The following PLXNB2 variants were observed in gnomAD, a reference collection of about 807,000 sequenced individuals.
PLXNB2 encodes the protein plexin-B2.
In PLXNB2, 85 loss-of-function variants were observed where a neutral mutation model predicts 202.6. The observed-to-expected ratio is 0.42, with a 90% CI of 0.35 to 0.50. The LOEUF is 0.50. Among genes scored for constraint, PLXNB2 ranks in the 20% least tolerant of loss-of-function variants. The probability of loss-of-function intolerance (pLI) is 0.02; values close to 1 mark genes in which losing one functional copy is unlikely to be tolerated. For missense variants in PLXNB2, 2,063 were observed against 2,586.2 expected, an observed-to-expected ratio of 0.80 and a Z score of 4.39; for synonymous variants, 1,239 against 1,137.6, an observed-to-expected ratio of 1.09 and a Z score of -1.79.
chr22:50,296,254 A>AGT (rs1320083833), intron 1 of PLXNB2, among the ~76,000 whole-genome samples: 9 of 144,738 alleles, frequency 6.2e-5, no homozygotes, highest in African/African-American at 2.6e-4. Flanking sequence ...AGGAACTTGA[A>AGT]CTAGACCGTG....
chr22:50,279,522 G>A (rs2065842841), intron 27 of PLXNB2, 108 bp downstream of exon 27: 1 of 1,066,530 alleles, frequency 9.4e-7, no homozygotes, highest in Non-Finnish European at 1.4e-6. Context: ...AATCCACAGA[G>A]GAGGTGGACG....
chr22:50,289,009 T>C lies in PLXNB2; in HGVS notation c.1202A>G (p.Asn401Ser), dbSNP rs28591681. The change falls in exon 4 of 37, where the codon AAC becomes AGC. Residue 401 changes from asparagine to serine, a missense_variant. By Grantham distance (46) the Asn-to-Ser change is conservative. Around this residue, in one of 2 missense-constraint regions of PLXNB2, gnomAD observed 1,303 missense variants for 1,476.8 expected, o/e 0.88. Transcript: ENST00000359337. This position sits in a 1 kb window ranked among gnomAD's most constrained non-coding sequence, Gnocchi z 8.0. Reference protein sequence around the residue: ...NLTAVTVAAENNHTVAFLGTS... With the variant: ...NLTAVTVAAESNHTVAFLGTS... The stretch of plus-strand genomic sequence containing the variant: ...GCCCAGAAAAGCAACAGTGTGGTTG[T>C]TCTCGGCGGCGACCGTCACGGCCGT... 2 of 1,610,398 alleles carry C rather than the reference T, an allele frequency of 1.2e-6. No homozygotes were observed. The highest frequency in any genetic ancestry group is 2.2e-5 in the East Asian group (1 of 44,772).
At chr22:50,299,483 G>C (rs2067526130) in intron 1 of PLXNB2, among the ~76,000 whole-genome samples, 1 of 152,252 alleles carries the variant, frequency 6.6e-6, no homozygotes, top group Admixed American at 6.5e-5. Flanking sequence ...CCGGGCCAAA[G>C]CTAGCGACAC....
chr22:50,285,099 T>C (rs991765728), intron 11 of PLXNB2, among the ~76,000 whole-genome samples: 1 of 152,104 alleles, frequency 6.6e-6, no homozygotes, highest in Non-Finnish European at 1.5e-5. Flanking sequence ...CTACCTCATG[T>C]GGGGGCCCCG....
At position 50,284,679 on chromosome 22, in the gene PLXNB2, C is replaced by T. The variant is rs373190624; in HGVS notation, c.2089-14G>A. 6.2e-5 allele frequency: 100 copies of T among 1,604,740 alleles called. No individual in the cohort carries two copies. In the East Asian group the frequency reaches 1.4e-3, roughly 23 times the overall value. On this transcript the variant is annotated splice_polypyrimidine_tract_variant and intron_variant, in intron 11 of 36. Transcript: ENST00000359337. This position sits in a 1 kb window ranked among gnomAD's most constrained non-coding sequence, Gnocchi z 8.0. ...CAGGGAGGAACCCTGCAGACCATGC[C>T]GTCAGGACCCTGGACAGGCGGCTGT...
At chr22:50,307,446 G>A (rs1485890826) in intron 1 of PLXNB2, 107 bp downstream of exon 1, 1 of 588,942 alleles carries the variant, frequency 1.7e-6, no homozygotes, top group Admixed American at 6.4e-5. Context: ...GCCGCCGCAG[G>A]TCCCCGGGCC....
Position 50,276,859 on chromosome 22 carries a change from G to A in PLXNB2, c.5244C>T (p.Tyr1748=), listed in dbSNP as rs1283402985. ...AGACTTACTCCTCCACCATCTTCTT[G>A]TAGGTGGAGATCTCCTTGGCGTACA... ...KLLYAKEIST[Y]KKMVEDYYKG... Residue 1748 remains tyrosine (Y), a synonymous_variant, in exon 34 of 37, where the codon TAC becomes TAT. Transcript: ENST00000359337. 6.2e-7 allele frequency: 1 copy of A among 1,607,324 alleles called. No individual in the cohort carries two copies. Among genetic ancestry groups the A allele is most frequent in the Non-Finnish European group, 8.5e-7 (1 of 1,176,568 alleles).
chr22:50,284,073 C>CCCA lies in PLXNB2; in HGVS notation c.2263+56_2263+58dup. ...CCCACTGCGCCCACCTGTCCCCCCACCCACCGCCTTGTGCCCACCCGTCCC... is the reference window on the plus strand; with the variant it reads ...CCCACTGCGCCCACCTGTCCCCCCACCCACCACCGCCTTGTGCCCACCCGTCCC... On this transcript the variant is annotated intron_variant, in intron 13 of 36. Transcript: ENST00000359337. This position sits in a 1 kb window ranked among gnomAD's most constrained non-coding sequence, Gnocchi z 8.0. 5 of 1,535,460 alleles carry CCCA rather than the reference C, an allele frequency of 3.3e-6. No individual in the cohort carries two copies. The highest frequency in any genetic ancestry group is 4.4e-6 in the Non-Finnish European group (5 of 1,141,706).
chr22:50,276,621 C>T lies in PLXNB2; in HGVS notation c.5337+8G>A. The T allele has an allele frequency of 8.7e-6, 14 of 1,610,324 alleles. No individual in the cohort carries two copies. Among genetic ancestry groups the T allele is most frequent in the Non-Finnish European group, 1.2e-5 (14 of 1,176,720 alleles). On this transcript the variant is annotated splice_region_variant and intron_variant, in intron 35 of 36. Transcript: ENST00000359337. ...GGGCTGTGGGTGCGTCCCTGGTGGT[C>T]TCCTTACCCGGGAAATCTCTGCCAG... is the stretch of plus-strand genomic sequence containing the variant.
chr22:50,296,414 A>G (rs907771973), intron 1 of PLXNB2, among the ~76,000 whole-genome samples: 1 of 145,482 alleles, frequency 6.9e-6, no homozygotes, highest in African/African-American at 2.8e-5. Context: ...GCAAAACACA[A>G]GTTTAAGATT....
chr22:50,287,881 C>T, intron 6 of PLXNB2, 56 bp downstream of exon 6: 7 of 1,586,942 alleles, frequency 4.4e-6, no homozygotes, highest in South Asian at 2.3e-5. Context: ...ACCCAGGCCA[C>T]GACCTTCCGG....
In PLXNB2 at chr22:50,283,900, T is replaced by C. The variant is rs770513867; in HGVS notation, c.2354A>G (p.Gln785Arg). 1 of 1,589,340 alleles carries C rather than the reference T, an allele frequency of 6.3e-7. No individual in the cohort carries two copies. Among genetic ancestry groups the C allele is most frequent in the Non-Finnish European group, 8.6e-7 (1 of 1,168,716 alleles). Residue 785 changes from glutamine (Q) to arginine (R), a missense_variant, in exon 14 of 37, where the codon CAG (glutamine) becomes CGG (arginine). By Grantham distance (43) the Gln-to-Arg change is conservative. Coordinates refer to ENST00000359337, the MANE Select transcript of PLXNB2 (RefSeq NM_012401.4). The stretch of plus-strand genomic sequence containing the variant: ...CAGGGCCTCATACACGCACCTGCTC[T>C]GGCCCCCGCACCACGCACACCTGTA... ...PDYRCAWCGG[Q>R]SRCVYEALCN...
rs751289776 is a variant in PLXNB2, at chr22:50,283,603, G to T, written c.2569C>A (p.Arg857=). The T allele has an allele frequency of 6.5e-7, 1 of 1,533,354 alleles. No individual in the cohort carries two copies. Among genetic ancestry groups the T allele is most frequent in the Middle Eastern group, 1.8e-4 (1 of 5,622 alleles). 95.0% of individuals were successfully genotyped at this position (1,533,354 alleles called of 1,614,324 possible). A position where few individuals can be genotyped will look rare whatever the true frequency, so the allele number is the denominator to read the frequency against. ...FQPERYSVST[R]IVCVIEAAET... ...CCCAGACCAGGGCCGTCCACTCACC[G>T]GGTGGACACGGAGTAACGTTCCGGC... The change falls in exon 15 of 37, where the codon CGG becomes AGG. Residue 857 remains arginine (R), a splice_region_variant and synonymous_variant. Coordinates refer to ENST00000359337, the MANE Select transcript of PLXNB2 (RefSeq NM_012401.4).
chr22:50,300,895 C>T (rs2067644520), intron 1 of PLXNB2, among the ~76,000 whole-genome samples: 1 of 152,198 alleles, frequency 6.6e-6, no homozygotes, highest in Non-Finnish European at 1.5e-5. Flanking sequence ...TCCTGACACA[C>T]CCAGGCCACC....
At position 50,281,008 on chromosome 22, in the gene PLXNB2, C is replaced by A. The variant is rs762212604; in HGVS notation, c.3764-35G>T. 2.5e-6 allele frequency: 4 copies of A among 1,605,124 alleles called. No individual in the cohort carries two copies. The East Asian group carries it at 6.7e-5, about 27-fold the overall frequency. On this transcript the variant is annotated intron_variant, in intron 23 of 36. Coordinates refer to ENST00000359337, the MANE Select transcript of PLXNB2 (RefSeq NM_012401.4). ...GGCTGGCGTGAGACGTCCCTGGCCA[C>A]GTGGGGCCCTGACCCCCACGCTACA... is the stretch of plus-strand genomic sequence containing the variant.
rs2066670830 is a variant in PLXNB2, at chr22:50,288,963, G to A, written c.1248C>T (p.Leu416=). 7 of 1,607,990 alleles carry A rather than the reference G, an allele frequency of 4.4e-6. No homozygotes were observed. The highest frequency in any genetic ancestry group is 2.7e-5 in the African/African-American group (2 of 74,816). ...AFLGTSDGRI[L]KVYLTPDGTS... is the part of the protein sequence containing the mutation. Reference sequence around the variant, plus strand: ...CCCGCCCCAGCCTGGGCCAAACCTTGAGGATCCGGCCATCAGAGGTGCCCA... The same window carrying A: ...CCCGCCCCAGCCTGGGCCAAACCTTAAGGATCCGGCCATCAGAGGTGCCCA... The change falls in exon 4 of 37, where the codon CTC becomes CTT. Residue 416 remains leucine, a synonymous_variant. Coordinates refer to ENST00000359337, the MANE Select transcript of PLXNB2 (RefSeq NM_012401.4). This position sits in a 1 kb window ranked among gnomAD's most constrained non-coding sequence, Gnocchi z 5.0.
At position 50,307,517 on chromosome 22, in the gene PLXNB2, G is replaced by A. The variant is rs542865028; in HGVS notation, c.-74+36C>T. ...GCGAAGCCCCCCCCACGCCCAGCGA[G>A]ACGTCCCCCGCAGCCCAGTCCCCCG... On this transcript the variant is annotated intron_variant, in intron 1 of 36. Coordinates refer to ENST00000359337, the MANE Select transcript of PLXNB2 (RefSeq NM_012401.4). 2.1e-5 allele frequency: 20 copies of A among 967,674 alleles called. No homozygotes were observed. In the South Asian group the frequency reaches 9.1e-4, roughly 44 times the overall value. 59.9% of individuals were successfully genotyped at this position (967,674 alleles called of 1,614,324 possible). A position where few individuals can be genotyped will look rare whatever the true frequency, so the allele number is the denominator to read the frequency against.
intron 17 of PLXNB2, 31 bp from the exon 18 acceptor site, chr22:50,282,912 AC>A (rs771015714): frequency 3.6e-5 from 56 of 1,574,594 alleles, no homozygotes; most frequent in Non-Finnish European, 4.7e-5. Context: ...GTCTGCATCA[AC>A]CCCTCCCCCG....
At chr22:50,294,095 C>T (rs1039175618) in intron 2 of PLXNB2, among the ~76,000 whole-genome samples, 2 of 152,206 alleles carry the variant, frequency 1.3e-5, no homozygotes, top group African/African-American at 4.8e-5. Flanking sequence ...GCGCAGGAGG[C>T]GCCAGGCACA....
Sources: gnomAD v4.1 joint callset for allele counts (sites outside exome capture counted in the v4.1 genomes callset) on GRCh38, gnomAD v4.1.1 for gene constraint, gnomAD v4.1.1 regional missense constraint, Gnocchi (gnomAD v3.1) non-coding constraint, MANE v1.5 for transcripts, NCBI Gene and HGNC (gene_info 2026-07-23, HGNC 2026-07-21) for gene names.